Variants in GDAP1L1 observed in about 807,000 individuals in gnomAD.
GDAP1L1 encodes the protein ganglioside induced differentiation associated protein 1 like 1.
GDAP1L1 carries 21 observed loss-of-function variants against 37.1 expected under a neutral mutation model. The ratio of observed to expected loss-of-function variants is 0.57; its 90% CI spans 0.40 to 0.81. GDAP1L1 has a LOEUF of 0.81. Ranked by LOEUF, GDAP1L1 falls within the 40% of genes least tolerant of loss-of-function variation. The pLI is 0.00. For synonymous variants in GDAP1L1, 193 were observed against 209.1 expected (o/e 0.92, Z 0.67); for missense variants, 362 against 491.6 (o/e 0.74, Z 2.49).
In GDAP1L1 at chr20:44,258,410, C is replaced by A. The variant is rs774843670; in HGVS notation, c.374-24C>A. On this transcript the variant is annotated intron_variant, in intron 2 of 5. Transcript: ENST00000342560. ...GGCAGGTGCCCCTCTGGCTTCCCTGCCCAGCCCCTGGCGGTGCCCACAGAG... is the reference window on the plus strand; with the variant it reads ...GGCAGGTGCCCCTCTGGCTTCCCTGACCAGCCCCTGGCGGTGCCCACAGAG... 1.6e-5 allele frequency: 24 copies of A among 1,544,816 alleles called. No individual in the cohort carries two copies. The South Asian group carries it at 2.9e-4, about 18-fold the overall frequency.
At position 44,247,751 on chromosome 20, in the gene GDAP1L1, T is replaced by C. The variant is rs541676330; in HGVS notation, c.180+237T>C. ...TTTTAGGAGCATCCATTCTGCCTCT[T>C]TCCCTCCCAGAAACAGCCGGTCTGT... On this transcript the variant is annotated intron_variant, in intron 1 of 5. Transcript: ENST00000342560. Among the ~76,000 whole-genome samples the C allele has an allele frequency of 1.7e-4, 24 of 137,834 alleles. 1 individual carries two copies. In the East Asian group the frequency reaches 5.8e-3, roughly 33 times the overall value. The allele number at this position is 137,834 out of a possible 152,430, so 90.4% of individuals were successfully genotyped here.
intron 4 of GDAP1L1, among the ~76,000 whole-genome samples, chr20:44,263,930 A>G (rs1274480979): frequency 3.3e-5 from 5 of 152,140 alleles, no homozygotes. Context: ...GAGGTATTGA[A>G]GGATTGCTCT....
intron 1 of GDAP1L1, among the ~76,000 whole-genome samples, chr20:44,252,063 T>A (rs145692016): frequency 1.3e-5 from 2 of 152,350 alleles, no homozygotes; most frequent in East Asian, 3.9e-4. Context: ...TGCTAAACGC[T>A]ACCCTACTTT....
intron 2 of GDAP1L1, among the ~76,000 whole-genome samples, chr20:44,257,874 G>A (rs1160993706): frequency 6.6e-6 from 1 of 151,970 alleles, no homozygotes; most frequent in African/African-American, 2.4e-5. Flanking sequence ...CCCTGAGACA[G>A]GGGAGGGCCC....
intron 5 of GDAP1L1, among the ~76,000 whole-genome samples, chr20:44,266,846 G>A (rs1249375939): frequency 1.3e-5 from 2 of 152,156 alleles, no homozygotes; most frequent in Non-Finnish European, 2.9e-5. Flanking sequence ...CACATTCTGA[G>A]ATTTTAGGAG....
rs1179263818 is a variant in GDAP1L1 at position 44,263,111 on chromosome 20, C to T, written c.548-119C>T. 15 of 767,436 alleles carry T rather than the reference C, an allele frequency of 2.0e-5. No individual in the cohort carries two copies. The Middle Eastern group carries it at 8.7e-4, about 44-fold the overall frequency. 47.5% of individuals were successfully genotyped at this position (767,436 alleles called of 1,614,324 possible). A position where few individuals can be genotyped will look rare whatever the true frequency, so the allele number is the denominator to read the frequency against. On this transcript the variant is annotated intron_variant, in intron 3 of 5. Transcript: ENST00000342560. Reference sequence around the variant, plus strand: ...GCAGTGCTCCCTAAGTGTTGGCTGTCGACAGTATTACTCTTCTGACCAGTG... The same window carrying T: ...GCAGTGCTCCCTAAGTGTTGGCTGTTGACAGTATTACTCTTCTGACCAGTG...
intron 5 of GDAP1L1, chr20:44,265,466 A>T (rs189392213): frequency 1.2e-4 from 116 of 985,454 alleles, no homozygotes; most frequent in Non-Finnish European, 1.4e-4. Context: ...CCTCCTGCAC[A>T]TGCATGGCTA....
At chr20:44,248,952 G>A (rs776630127) in intron 1 of GDAP1L1, among the ~76,000 whole-genome samples, 1 of 152,204 alleles carries the variant, frequency 6.6e-6, no homozygotes, top group Non-Finnish European at 1.5e-5. Flanking sequence ...GCTATTATGA[G>A]AGTGAAATGT....
intron 2 of GDAP1L1, 44 bp from the exon 3 acceptor site, chr20:44,258,390 G>A (rs945075899): frequency 1.3e-5 from 20 of 1,536,828 alleles, no homozygotes; most frequent in Non-Finnish European, 1.7e-5. Flanking sequence ...GCCGGGGCAG[G>A]TGCCCCTCTG....
intron 1 of GDAP1L1, among the ~76,000 whole-genome samples, chr20:44,255,016 G>C (rs969515437): frequency 6.6e-6 from 1 of 152,122 alleles, no homozygotes; most frequent in African/African-American, 2.4e-5. Context: ...AGAAATCAGA[G>C]AGAGCAAGTG....
chr20:44,253,211 C>T (rs1050903265), intron 1 of GDAP1L1, among the ~76,000 whole-genome samples: 6 of 152,178 alleles, frequency 3.9e-5, no homozygotes, highest in Admixed American at 1.3e-4. Flanking sequence ...CCTGCCCCCA[C>T]GGACATGTCA....
rs945137310 is a variant in GDAP1L1, at chr20:44,264,516, C to T, written c.717C>T (p.Asp239=). ...TCGGGGAACTGGCCATGGTGCTGGA[C>T]CAGATTGAGGCGGAGCTGGAGAAGA... ...KILGELAMVL[D]QIEAELEKRK... is the part of the protein sequence containing the mutation. The change falls in exon 5 of 6, where the codon GAC becomes GAT. Residue 239 remains aspartate (D), a synonymous_variant. Transcript: ENST00000342560. 1.1e-5 allele frequency: 18 copies of T among 1,599,716 alleles called. No individual in the cohort carries two copies. The East Asian group carries it at 3.8e-4, about 34-fold the overall frequency.
intron 4 of GDAP1L1, 136 bp downstream of exon 4, chr20:44,263,463 C>A: frequency 1.5e-6 from 1 of 688,670 alleles, no homozygotes; most frequent in Non-Finnish European, 2.5e-6. Context: ...CAATCCTGTC[C>A]CCTGCCATTT....
At chr20:44,269,320 C>T in intron 5 of GDAP1L1, among the ~76,000 whole-genome samples, 1 of 151,930 alleles carries the variant, frequency 6.6e-6, no homozygotes, top group Admixed American at 6.5e-5. Flanking sequence ...ATGGCAGGAG[C>T]AGCAAAGCCA....
At position 44,262,158 on chromosome 20, in the gene GDAP1L1, T is replaced by C. The variant is rs1281577685; in HGVS notation, c.548-1072T>C. On this transcript the variant is annotated intron_variant, in intron 3 of 5. Coordinates refer to ENST00000342560, the MANE Select transcript of GDAP1L1 (RefSeq NM_024034.6). The stretch of plus-strand genomic sequence containing the variant: ...TTAAACAGAGTGGCATGGTCAAGTG[T>C]GTGAAGAAGATATCTCTGGTAGGGG... Among the ~76,000 whole-genome samples the C allele has an allele frequency of 2.0e-5, 3 of 151,468 alleles. No homozygotes were observed. In the East Asian group the frequency reaches 5.8e-4, roughly 29 times the overall value.
chr20:44,266,459 T>G (rs1347795969), intron 5 of GDAP1L1, among the ~76,000 whole-genome samples: 1 of 152,180 alleles, frequency 6.6e-6, no homozygotes, highest in South Asian at 2.1e-4. Flanking sequence ...AGCTCTGCCA[T>G]GCTCTCGGTG....
At chr20:44,277,828 T>C (rs1381453437) in intron 5 of GDAP1L1, among the ~76,000 whole-genome samples, 1 of 152,052 alleles carries the variant, frequency 6.6e-6, no homozygotes, top group Non-Finnish European at 1.5e-5. Context: ...CTGATGGAAA[T>C]TGCTGACAAA....
intron 3 of GDAP1L1, among the ~76,000 whole-genome samples, chr20:44,260,758 G>A (rs1267529104): frequency 6.6e-6 from 1 of 152,178 alleles, no homozygotes; most frequent in Non-Finnish European, 1.5e-5. Context: ...AGGAAGCTCA[G>A]TGTGGTGCAA....
chr20:44,265,051 C>G, intron 5 of GDAP1L1: 1 of 985,384 alleles, frequency 1.0e-6, no homozygotes, highest in Non-Finnish European at 1.2e-6. Flanking sequence ...ATCATGCATA[C>G]TGAATACTCG....
Sources: allele counts gnomAD v4.1 joint callset (sites outside exome capture counted in the v4.1 genomes callset), GRCh38; gene constraint gnomAD v4.1.1; transcripts MANE v1.5; gene names NCBI Gene and HGNC (gene_info 2026-07-23, HGNC 2026-07-21).